Variants in PRDM6 observed in about 807,000 individuals in gnomAD.
PRDM6 encodes putative histone-lysine N-methyltransferase PRDM6.
A neutral mutation model predicts 60.8 loss-of-function variants in PRDM6; 25 were observed. The ratio of observed to expected loss-of-function variants is 0.41; its 90% CI spans 0.30 to 0.57. The LOEUF is 0.57. Among genes scored for constraint, PRDM6 ranks in the 20% least tolerant of loss-of-function variants. The probability of loss-of-function intolerance (pLI) is 0.27; values close to 1 mark genes in which losing one functional copy is unlikely to be tolerated. For missense variants in PRDM6, 839 were observed against 821.3 expected, an observed-to-expected ratio of 1.02 and a Z score of -0.26; for synonymous variants, 407 against 357.4, an observed-to-expected ratio of 1.14 and a Z score of -1.57.
rs1766369587 is a variant in PRDM6 at position 123,189,728 on chromosome 5, T to C, written c.*2527T>C. ...ATTGGATACTCTAATTTTCCAGGCA[T>C]GTGGGCACATTCACAATTTTTACAT... On this transcript the variant is annotated 3_prime_UTR_variant, in exon 8 of 8. Transcript: ENST00000407847. 1 of 152,240 alleles carries C rather than the reference T, an allele frequency of 6.6e-6. No homozygotes were observed. Among genetic ancestry groups the C allele is most frequent in the Admixed American group, 6.5e-5 (1 of 15,284 alleles). 9.4% of individuals were successfully genotyped at this position (152,240 alleles called of 1,614,324 possible).
At chr5:123,157,635 C>T (rs1340876121) in intron 4 of PRDM6, among the ~76,000 whole-genome samples, 2 of 152,156 alleles carry the variant, frequency 1.3e-5, no homozygotes, top group East Asian at 3.8e-4. Flanking sequence ...TAAAAACTGG[C>T]ATTCATCACC....
chr5:123,186,353 TAC>T (rs1766289036), intron 7 of PRDM6, among the ~76,000 whole-genome samples: 1 of 152,202 alleles, frequency 6.6e-6, no homozygotes, highest in Non-Finnish European at 1.5e-5. Context: ...GTCTCTAGAT[TAC>T]AGTCTTTTTT....
At chr5:123,169,205 A>G (rs1765829309) in intron 5 of PRDM6, among the ~76,000 whole-genome samples, 1 of 152,336 alleles carries the variant, frequency 6.6e-6, no homozygotes, top group Admixed American at 6.5e-5. Context: ...CCATAGATAT[A>G]GTAGTTAAAA....
intron 3 of PRDM6, among the ~76,000 whole-genome samples, chr5:123,135,850 T>C (rs947980090): frequency 1.3e-5 from 2 of 152,204 alleles, no homozygotes; most frequent in African/African-American, 4.8e-5. Flanking sequence ...ATTAAAATAA[T>C]CAGACCAATC....
At chr5:123,117,789 A>C (rs1022549817) in intron 3 of PRDM6, among the ~76,000 whole-genome samples, 1 of 152,228 alleles carries the variant, frequency 6.6e-6, no homozygotes, top group African/African-American at 2.4e-5. Flanking sequence ...TTTGCTTTGC[A>C]TGTGCAGTGA....
intron 6 of PRDM6, among the ~76,000 whole-genome samples, chr5:123,172,865 C>T (rs1765924771): frequency 6.6e-6 from 1 of 152,166 alleles, no homozygotes; most frequent in African/African-American, 2.4e-5. Flanking sequence ...CTGAAACAGA[C>T]TGTTTTGTCT....
In PRDM6 at chr5:123,090,263, G is replaced by T; in HGVS notation, c.249G>T (p.Pro83=). The change falls in exon 2 of 8, where the codon CCG becomes CCT. Residue 83 remains proline, a synonymous_variant. Coordinates refer to ENST00000407847, the MANE Select transcript of PRDM6 (RefSeq NM_001136239.4). The part of the protein sequence containing the change: ...PASLSSASST[P]ASSSTSASSA... ...CTCTCTCCTCCGCCTCGTCCACGCC[G>T]GCTTCCTCTTCCACCTCCGCCTCCT... 7.2e-7 allele frequency: 1 copy of T among 1,389,466 alleles called. No individual in the cohort carries two copies. Among genetic ancestry groups the T allele is most frequent in the South Asian group, 1.3e-5 (1 of 77,784 alleles). The allele number at this position is 1,389,466 out of a possible 1,614,324, so 86.1% of individuals were successfully genotyped here. A position where few individuals can be genotyped will look rare whatever the true frequency, so the allele number is the denominator to read the frequency against.
chr5:123,134,176 A>G (rs1411232675), intron 3 of PRDM6, among the ~76,000 whole-genome samples: 3 of 152,178 alleles, frequency 2.0e-5, no homozygotes, highest in African/African-American at 7.2e-5. Context: ...TATCTGAAAA[A>G]TAAATGTGGG....
chr5:123,174,988 C>T (rs1240402067), intron 6 of PRDM6, among the ~76,000 whole-genome samples: 2 of 152,156 alleles, frequency 1.3e-5, no homozygotes, highest in Non-Finnish European at 2.9e-5. Flanking sequence ...CTAAATCAAC[C>T]AACATTTTGT....
At chr5:123,186,068 A>G (rs1287787789) in intron 7 of PRDM6, among the ~76,000 whole-genome samples, 1 of 152,216 alleles carries the variant, frequency 6.6e-6, no homozygotes, top group East Asian at 1.9e-4. Context: ...TCTGAGCTGT[A>G]TTAGATGCTG....
At chr5:123,094,578 G>T (rs974349091) in intron 2 of PRDM6, among the ~76,000 whole-genome samples, 7 of 152,136 alleles carry the variant, frequency 4.6e-5, no homozygotes, top group African/African-American at 1.7e-4. Flanking sequence ...GTTAGAAGAG[G>T]TGGCGACTGT....
At chr5:123,180,122 C>A in intron 6 of PRDM6, 25 bp from the exon 7 acceptor site, 1 of 1,512,570 alleles carries the variant, frequency 6.6e-7, no homozygotes, top group South Asian at 1.3e-5. Flanking sequence ...AAACAATGAC[C>A]AGACAGTCTG....
At chr5:123,096,257 C>T (rs1275444086) in intron 2 of PRDM6, among the ~76,000 whole-genome samples, 1 of 65,270 alleles carries the variant, frequency 1.5e-5, no homozygotes, top group East Asian at 4.4e-4. Context: ...TATTGCTTGG[C>T]TTGGAATGCT....
chr5:123,179,598 C>G (rs886659498), intron 6 of PRDM6, among the ~76,000 whole-genome samples: 1 of 152,158 alleles, frequency 6.6e-6, no homozygotes. Flanking sequence ...AGGATGAGGT[C>G]CAAACATCCT....
chr5:123,159,386 G>T (rs1417737190), intron 4 of PRDM6, 128 bp from the exon 5 acceptor site: 17 of 1,036,344 alleles, frequency 1.6e-5, no homozygotes, highest in Admixed American at 5.7e-5. Context: ...TCAGTTGGAT[G>T]TAAATTTATT....
chr5:123,117,753 G>A (rs1488795379), intron 3 of PRDM6, among the ~76,000 whole-genome samples: 1 of 131,638 alleles, frequency 7.6e-6, no homozygotes, highest in Admixed American at 7.8e-5. Context: ...TGGGATGAAT[G>A]TGAAGGCCTA....
intron 3 of PRDM6, among the ~76,000 whole-genome samples, chr5:123,127,852 T>C (rs1474113137): frequency 6.6e-6 from 1 of 152,078 alleles, no homozygotes. Flanking sequence ...ATGTGCCATG[T>C]TGGTTTGCTG....
chr5:123,093,262 G>A (rs1265822072), intron 2 of PRDM6, among the ~76,000 whole-genome samples: 1 of 152,172 alleles, frequency 6.6e-6, no homozygotes, highest in East Asian at 1.9e-4. Context: ...AAATAAAAAG[G>A]GCGGGATGCG....
At chr5:123,138,756 C>G (rs926794838) in intron 3 of PRDM6, among the ~76,000 whole-genome samples, 2 of 152,110 alleles carry the variant, frequency 1.3e-5, no homozygotes, top group African/African-American at 4.8e-5. Context: ...TTTGCTGTTT[C>G]TTTTTGAAGG....
Sources: gnomAD v4.1 joint callset for allele counts (sites outside exome capture counted in the v4.1 genomes callset) on GRCh38, gnomAD v4.1.1 for gene constraint, MANE v1.5 for transcripts, NCBI Gene and HGNC (gene_info 2026-07-23, HGNC 2026-07-21) for gene names.